RAD51B: variants seen among roughly 807,000 people sequenced by gnomAD.
RAD51B encodes RAD51 paralog B, also known as DNA repair protein RAD51 homolog 2.
In RAD51B, 38 loss-of-function variants were observed where a neutral mutation model predicts 42.2. That is an observed-to-expected ratio of 0.90 (90% CI 0.70 to 1.18). The LOEUF (loss-of-function observed/expected upper bound fraction) is 1.18. RAD51B is among the 50% of genes most tolerant of loss of function. The pLI is 0.00. For missense variants in RAD51B, 373 were observed against 400.7 expected, an observed-to-expected ratio of 0.93 and a Z score of 0.59; for synonymous variants, 154 against 145.2, an observed-to-expected ratio of 1.06 and a Z score of -0.43.
At chr14:68,145,462 G>A (rs573031284) in intron 7 of RAD51B, among the ~76,000 whole-genome samples, 2 of 152,150 alleles carry the variant, frequency 1.3e-5, no homozygotes, top group Non-Finnish European at 2.9e-5. Context: ...TATGGTTATT[G>A]TGGGTATTAA....
At chr14:68,247,366 C>A (rs1284627659) in intron 7 of RAD51B, among the ~76,000 whole-genome samples, 4 of 152,068 alleles carry the variant, frequency 2.6e-5, no homozygotes, top group African/African-American at 9.7e-5. Flanking sequence ...AGCAGAACAA[C>A]AACTTGTCAT....
At chr14:68,235,751 C>T (rs1555377709) in intron 7 of RAD51B, among the ~76,000 whole-genome samples, 1 of 148,572 alleles carries the variant, frequency 6.7e-6, no homozygotes, top group Non-Finnish European at 1.5e-5. Context: ...ATCTTACCTG[C>T]GTGCATGTGT....
exon 11 of RAD51B, chr14:68,611,211 A>T (rs1171134478): frequency 1.4e-6 from 1 of 703,046 alleles, no homozygotes; most frequent in African/African-American, 1.7e-5. Flanking sequence ...GGGCAACTGG[A>T]ATCAGAACAG....
chr14:68,648,155 G>A (rs80300890), intron 10 of RAD51B, among the ~76,000 whole-genome samples: 7 of 102,454 alleles, frequency 6.8e-5, no homozygotes, highest in African/African-American at 2.1e-4. Flanking sequence ...ATACACACAC[G>A]TATATATATA....
At chr14:68,304,149 G>A (rs983502124) in intron 8 of RAD51B, among the ~76,000 whole-genome samples, 21 of 147,350 alleles carry the variant, frequency 1.4e-4, no homozygotes, top group Non-Finnish European at 2.5e-4. Flanking sequence ...CAGCCTGGGC[G>A]AGAGAGCAAG....
At chr14:68,406,887 C>T (rs1272170818) in intron 8 of RAD51B, among the ~76,000 whole-genome samples, 1 of 152,026 alleles carries the variant, frequency 6.6e-6, no homozygotes, top group African/African-American at 2.4e-5. Flanking sequence ...GACACAGACA[C>T]ACACATTAGC....
intron 8 of RAD51B, among the ~76,000 whole-genome samples, chr14:68,328,978 A>G (rs1353574165): frequency 6.6e-6 from 1 of 152,090 alleles, no homozygotes; most frequent in Non-Finnish European, 1.5e-5. Context: ...CCTACCAGTT[A>G]TTTTGTATAT....
At chr14:68,491,906 T>G (rs1884106763) in intron 10 of RAD51B, among the ~76,000 whole-genome samples, 1 of 152,216 alleles carries the variant, frequency 6.6e-6, no homozygotes, top group East Asian at 1.9e-4. Context: ...TAACGCTTTT[T>G]CACTCAGAGT....
chr14:68,427,247 G>A (rs4902584), intron 9 of RAD51B, among the ~76,000 whole-genome samples: 65,290 of 151,954 alleles, frequency 0.43, 14,279 homozygotes, highest in East Asian at 0.55. Context: ...GCTGCCACAG[G>A]GAGTCCCCTC....
chr14:67,963,040 T>C (rs910060689), intron 7 of RAD51B, among the ~76,000 whole-genome samples: 3 of 152,170 alleles, frequency 2.0e-5, no homozygotes, highest in Admixed American at 1.3e-4. Flanking sequence ...AATTAATGTT[T>C]CTTGAGTGAA....
chr14:68,444,637 A>G (rs1476481414), intron 9 of RAD51B, among the ~76,000 whole-genome samples: 1 of 152,222 alleles, frequency 6.6e-6, no homozygotes, highest in Non-Finnish European at 1.5e-5. Flanking sequence ...GGCCCATCCA[A>G]GTCAGCTCCA....
chr14:68,101,537 A>T (rs2077289440), intron 7 of RAD51B, among the ~76,000 whole-genome samples: 1 of 152,260 alleles, frequency 6.6e-6, no homozygotes, highest in Non-Finnish European at 1.5e-5. Flanking sequence ...TCCAAAATCC[A>T]GTAAGACAGT....
chr14:68,133,784 T>C (rs115284520), intron 7 of RAD51B, among the ~76,000 whole-genome samples: 1,996 of 152,258 alleles, frequency 0.013, 48 homozygotes, highest in African/African-American at 0.046. Context: ...ATCTGAATGA[T>C]TTTTTTAAGA....
In RAD51B at chr14:68,606,045, C is replaced by T. The variant is rs1030348975; in HGVS notation, c.1037-4961C>T. Among the ~76,000 whole-genome samples, 15 of 152,288 alleles carry T rather than the reference C, an allele frequency of 9.8e-5. No homozygotes were observed. In the South Asian group the frequency reaches 1.5e-3, roughly 15 times the overall value. ...GCGGAAGCTGCACTTGAGAATCACCCGGGAGCTTTTAAAACACAGTGTGCC... is the reference window on the plus strand; with the variant it reads ...GCGGAAGCTGCACTTGAGAATCACCTGGGAGCTTTTAAAACACAGTGTGCC... On this transcript the variant is annotated intron_variant, in intron 10 of 10. Transcript: ENST00000487861.
intron 7 of RAD51B, among the ~76,000 whole-genome samples, chr14:68,115,366 A>G (rs2077524671): frequency 8.4e-6 from 1 of 118,746 alleles, no homozygotes; most frequent in Non-Finnish European, 1.6e-5. Flanking sequence ...GGACACAGGA[A>G]GGGGAACATC....
intron 8 of RAD51B, among the ~76,000 whole-genome samples, chr14:68,358,410 G>A (rs556775814): frequency 3.9e-5 from 6 of 152,288 alleles, no homozygotes; most frequent in South Asian, 4.2e-4. Flanking sequence ...CGATGGGTCC[G>A]AGGCATGTTT....
chr14:68,410,468 G>A (rs1471867472), intron 8 of RAD51B, among the ~76,000 whole-genome samples: 1 of 152,132 alleles, frequency 6.6e-6, no homozygotes, highest in African/African-American at 2.4e-5. Context: ...GCATCTGGAG[G>A]CAACAAGGCA....
chr14:68,558,971 T>G (rs1889001265), intron 10 of RAD51B, among the ~76,000 whole-genome samples: 1 of 151,988 alleles, frequency 6.6e-6, no homozygotes, highest in Admixed American at 6.6e-5. Flanking sequence ...ATTCATATAG[T>G]GTCATATACA....
chr14:68,586,690 C>A (rs890448603), intron 10 of RAD51B, among the ~76,000 whole-genome samples: 3 of 152,176 alleles, frequency 2.0e-5, no homozygotes, highest in African/African-American at 7.2e-5. Context: ...CATGGAAATC[C>A]AGTCACCCCC....
Sources: gnomAD v4.1 joint callset for allele counts (sites outside exome capture counted in the v4.1 genomes callset) on GRCh38, gnomAD v4.1.1 for gene constraint, MANE v1.5 for transcripts, NCBI Gene and HGNC (gene_info 2026-07-23, HGNC 2026-07-21) for gene names.